IL12B: variants seen among roughly 807,000 people sequenced by gnomAD.
IL12B encodes interleukin 12B, also known as interleukin-12 subunit beta.
A neutral mutation model predicts 39.2 loss-of-function variants in IL12B; 27 were observed. That is an observed-to-expected ratio of 0.69 (90% confidence interval 0.51 to 0.95). IL12B has a LOEUF of 0.95. Ranked by LOEUF, IL12B falls within the 40% of genes least tolerant of loss-of-function variation. The pLI is 0.00. For missense variants in IL12B, 351 were observed against 397.6 expected (o/e 0.88, Z 1.00); for synonymous variants, 142 against 152.1 (o/e 0.93, Z 0.49).
chr5:159,328,425 A>C (rs1353857478), intron 1 of IL12B, among the ~76,000 whole-genome samples: 1 of 152,226 alleles, frequency 6.6e-6, no homozygotes, highest in Non-Finnish European at 1.5e-5. Flanking sequence ...GCTGAGCCTC[A>C]GTCTCTTTGT....
At chr5:159,320,186 G>T in intron 5 of IL12B, 120 bp downstream of exon 5, 1 of 848,114 alleles carries the variant, frequency 1.2e-6, no homozygotes, top group Non-Finnish European at 2.0e-6. Flanking sequence ...TTTTGTTTTT[G>T]GATGCAGAAT....
intron 4 of IL12B, 133 bp from the exon 5 acceptor site, chr5:159,320,653 C>G (rs905889430): frequency 2.6e-6 from 2 of 768,250 alleles, no homozygotes; most frequent in Non-Finnish European, 4.4e-6. Context: ...TGATTTCTAC[C>G]CAGAGGGTAA....
intron 4 of IL12B, among the ~76,000 whole-genome samples, chr5:159,320,940 C>T (rs1482945575): frequency 6.6e-6 from 1 of 151,914 alleles, no homozygotes; most frequent in Non-Finnish European, 1.5e-5. Context: ...GGTTTAAGTA[C>T]TAATAATAGC....
At chr5:159,325,250 G>T (rs1292832793) in intron 2 of IL12B, among the ~76,000 whole-genome samples, 1 of 152,172 alleles carries the variant, frequency 6.6e-6, no homozygotes, top group East Asian at 1.9e-4. Context: ...CCAGGACCAA[G>T]GTTCCTGAGC....
chr5:159,321,958 G>A (rs1754101367), intron 4 of IL12B, among the ~76,000 whole-genome samples: 1 of 152,128 alleles, frequency 6.6e-6, no homozygotes, highest in Non-Finnish European at 1.5e-5. Context: ...GAAAATTTCG[G>A]GAGGCCTCAT....
chr5:159,322,085 T>C (rs1053402613), intron 4 of IL12B, among the ~76,000 whole-genome samples: 27 of 152,304 alleles, frequency 1.8e-4, no homozygotes, highest in African/African-American at 5.8e-4. Flanking sequence ...TCTCCGTTTA[T>C]CCCTTTCTTT....
chr5:159,323,157 C>G lies in IL12B; in HGVS notation c.261G>C (p.Gln87His). 11 of 1,614,186 alleles carry G rather than the reference C, an allele frequency of 6.8e-6. No individual in the cohort carries two copies. Among genetic ancestry groups the G allele is most frequent in the Non-Finnish European group, 9.3e-6 (11 of 1,180,020 alleles). ...IQVKEFGDAG[Q>H]YTCHKGGEVL... Reference sequence around the variant, plus strand: ...CCTCGCCTCCTTTGTGACAGGTGTACTGGCCAGCATCTCCAAACTCTTTGA... The same window carrying G: ...CCTCGCCTCCTTTGTGACAGGTGTAGTGGCCAGCATCTCCAAACTCTTTGA... The change falls in exon 3 of 8, where the codon CAG becomes CAC. Residue 87 changes from glutamine (Q) to histidine (H), a missense_variant. Transcript: ENST00000231228.
intron 1 of IL12B, among the ~76,000 whole-genome samples, chr5:159,328,068 T>C (rs1754221277): frequency 6.6e-6 from 1 of 152,176 alleles, no homozygotes; most frequent in Non-Finnish European, 1.5e-5. Context: ...TGAGCATTCC[T>C]GGGTTGGGTG....
chr5:159,319,066 G>A (rs1471235318), intron 5 of IL12B, among the ~76,000 whole-genome samples, 173 bp from the exon 6 acceptor site: 2 of 152,180 alleles, frequency 1.3e-5, no homozygotes, highest in Non-Finnish European at 2.9e-5. Flanking sequence ...AGGTGCTCAC[G>A]CTGGTGCCTC....
chr5:159,318,819 A>G lies in IL12B; in HGVS notation c.772T>C (p.Tyr258His), dbSNP rs1430356220. ...NSRQVEVSWEYPDTWSTPHSY... is the reference protein window; with the variant it reads ...NSRQVEVSWEHPDTWSTPHSY... The stretch of plus-strand genomic sequence containing the variant: ...TGTGGAGTACTCCAGGTGTCAGGGT[A>G]CTCCCAGCTGACCTCCACCTGCCGA... Residue 258 changes from tyrosine (Y) to histidine (H), a missense_variant, in exon 6 of 8, where the codon TAC becomes CAC. Coordinates refer to ENST00000231228, the MANE Select transcript of IL12B (RefSeq NM_002187.3). 6.2e-7 allele frequency: 1 copy of G among 1,613,828 alleles called. No homozygotes were observed. The highest frequency in any genetic ancestry group is 1.7e-5 in the Admixed American group (1 of 60,000).
intron 5 of IL12B, 68 bp from the exon 6 acceptor site, chr5:159,318,961 G>C (rs1754037907): frequency 7.6e-7 from 1 of 1,317,864 alleles, no homozygotes; most frequent in Non-Finnish European, 1.1e-6. Flanking sequence ...TTTGGCTTAT[G>C]ATCTCACTTG....
chr5:159,322,575 A>T (rs1374044211), intron 3 of IL12B, 64 bp from the exon 4 acceptor site: 1 of 1,037,044 alleles, frequency 9.6e-7, no homozygotes, highest in East Asian at 2.4e-5. Context: ...TTTGATTGTG[A>T]TGAATCACAG....
intron 2 of IL12B, among the ~76,000 whole-genome samples, 154 bp downstream of exon 2, chr5:159,326,541 G>C (rs1754192505): frequency 6.6e-6 from 1 of 152,188 alleles, no homozygotes; most frequent in African/African-American, 2.4e-5. Context: ...AAGTAGAAAA[G>C]AGAGATATGG....
Position 159,316,706 on chromosome 5 carries a change from C to A in IL12B, c.966G>T (p.Trp322Cys). ...DRYYSSSWSEWASVPCS is the reference protein window; with the variant it reads ...DRYYSSSWSECASVPCS ...TCACCTAACTGCAGGGCACAGATGC[C>A]CATTCGCTCCAAGATGAGCTATAGT... Residue 322 changes from tryptophan to cysteine, a missense_variant, in exon 7 of 8, where the codon TGG (tryptophan) becomes TGT (cysteine). Physicochemically the swap from Trp to Cys is radical, Grantham distance 215. Coordinates refer to ENST00000231228, the MANE Select transcript of IL12B (RefSeq NM_002187.3). The A allele has an allele frequency of 1.2e-6, 2 of 1,613,500 alleles. No individual in the cohort carries two copies. The highest frequency in any genetic ancestry group is 1.7e-6 in the Non-Finnish European group (2 of 1,179,848).
chr5:159,317,176 C>A (rs2113023132), intron 6 of IL12B, among the ~76,000 whole-genome samples: 1 of 152,276 alleles, frequency 6.6e-6, no homozygotes. Context: ...AATACCATAT[C>A]CTGATCATTT....
intron 1 of IL12B, among the ~76,000 whole-genome samples, chr5:159,327,981 G>A (rs1405169292): frequency 2.6e-5 from 4 of 152,160 alleles, no homozygotes; most frequent in Non-Finnish European, 5.9e-5. Flanking sequence ...ATGGTCTGGA[G>A]GAAAGTGGTT....
At chr5:159,316,605 C>T in intron 7 of IL12B, 80 bp downstream of exon 7, 1 of 1,494,634 alleles carries the variant, frequency 6.7e-7, no homozygotes, top group Non-Finnish European at 9.2e-7. Flanking sequence ...CTTTCCTCTC[C>T]AACACAGCCC....
intron 2 of IL12B, chr5:159,325,620 G>A (rs1754173486): frequency 6.6e-6 from 1 of 152,202 alleles, no homozygotes; most frequent in Non-Finnish European, 1.5e-5. Context: ...AAGCAAGACA[G>A]AATTGGGATC....
intron 4 of IL12B, among the ~76,000 whole-genome samples, chr5:159,321,039 AC>A (rs1285320817): frequency 6.8e-6 from 1 of 146,834 alleles, no homozygotes; most frequent in African/African-American, 2.5e-5. Flanking sequence ...TTGCTCTGCC[AC>A]CCAGGCTGGA....
Sources: allele counts gnomAD v4.1 joint callset (sites outside exome capture counted in the v4.1 genomes callset), GRCh38; gene constraint gnomAD v4.1.1; transcripts MANE v1.5; gene names NCBI Gene and HGNC (gene_info 2026-07-23, HGNC 2026-07-21).